EIF2AK1: variants seen among roughly 807,000 people sequenced by gnomAD.
EIF2AK1 encodes eukaryotic translation initiation factor 2-alpha kinase 1.
EIF2AK1 carries 54 observed loss-of-function variants against 77.9 expected under a neutral mutation model. That is an observed-to-expected ratio of 0.69 (90% confidence interval 0.56 to 0.87). The LOEUF (loss-of-function observed/expected upper bound fraction) is 0.87. EIF2AK1 is among the 40% of genes least tolerant of loss of function. EIF2AK1 has a pLI of 0.00. For missense variants in EIF2AK1, 810 were observed against 768.6 expected (o/e 1.05, Z -0.64); for synonymous variants, 314 against 290.5 (o/e 1.08, Z -0.82).
In EIF2AK1 at chr7:6,041,208, C is replaced by T; in HGVS notation, c.803G>A (p.Gly268Asp). ...GCTGCTACTTTCATCATTTTTAACACCACATTGCTCTCTGAAAAAAAAAAA... is the reference window on the plus strand; with the variant it reads ...GCTGCTACTTTCATCATTTTTAACATCACATTGCTCTCTGAAAAAAAAAAA... ...SDQEEDREQC[G>D]VKNDESSSSS... is the part of the protein sequence containing the mutation. Residue 268 changes from glycine (G) to aspartate (D), a missense_variant, in exon 9 of 15, where the codon GGT (glycine) becomes GAT (aspartate). Coordinates refer to ENST00000199389, the MANE Select transcript of EIF2AK1 (RefSeq NM_014413.4). 1 of 1,581,256 alleles carries T rather than the reference C, an allele frequency of 6.3e-7. No individual in the cohort carries two copies. The highest frequency in any genetic ancestry group is 1.5e-5 in the African/African-American group (1 of 68,192).
chr7:6,026,051 C>T (rs1385632125), intron 14 of EIF2AK1, among the ~76,000 whole-genome samples: 1 of 152,034 alleles, frequency 6.6e-6, no homozygotes, highest in Non-Finnish European at 1.5e-5. Context: ...CGGACCCCCA[C>T]GCCAGGCCAC....
At chr7:6,050,598 TTC>T (rs979461150) in intron 2 of EIF2AK1, among the ~76,000 whole-genome samples, 3 of 147,596 alleles carry the variant, frequency 2.0e-5, no homozygotes, top group African/African-American at 7.3e-5. Context: ...CTATAATTAC[TTC>T]TCTTTTTTTT....
At chr7:6,052,167 T>C (rs1391438823) in intron 2 of EIF2AK1, among the ~76,000 whole-genome samples, 2 of 94,750 alleles carry the variant, frequency 2.1e-5, no homozygotes, top group East Asian at 5.3e-4. Flanking sequence ...GCAAGACTCC[T>C]TATCAAAAAA....
intron 9 of EIF2AK1, among the ~76,000 whole-genome samples, chr7:6,039,319 T>A (rs1056112951): frequency 6.6e-6 from 1 of 151,822 alleles, no homozygotes; most frequent in African/African-American, 2.4e-5. Flanking sequence ...AGTTCTAAGT[T>A]TCATAAAAAA....
chr7:6,038,482 T>G, intron 10 of EIF2AK1, 78 bp downstream of exon 10: 1 of 985,102 alleles, frequency 1.0e-6, no homozygotes, highest in East Asian at 2.7e-5. Context: ...AAAAAGCACC[T>G]GGAGGCAACT....
intron 14 of EIF2AK1, among the ~76,000 whole-genome samples, 172 bp from the exon 15 acceptor site, chr7:6,024,973 G>C (rs1583471870): frequency 6.6e-6 from 1 of 152,052 alleles, no homozygotes; most frequent in Non-Finnish European, 1.5e-5. Context: ...CAAGTAGCTG[G>C]GATTACAGGC....
intron 9 of EIF2AK1, among the ~76,000 whole-genome samples, chr7:6,039,020 T>A (rs534825315): frequency 6.6e-6 from 1 of 152,236 alleles, no homozygotes; most frequent in African/African-American, 2.4e-5. Context: ...GCTCGCTACA[T>A]AAACAGTTTT....
chr7:6,038,582 C>T lies in EIF2AK1; in HGVS notation c.1209G>A (p.Arg403=). The T allele has an allele frequency of 6.2e-7, 1 of 1,612,838 alleles. No individual in the cohort carries two copies. The highest frequency in any genetic ancestry group is 1.1e-5 in the South Asian group (1 of 90,790). The change falls in exon 10 of 15, where the codon CGG becomes CGA. Residue 403 remains arginine, a synonymous_variant. Coordinates refer to ENST00000199389, the MANE Select transcript of EIF2AK1 (RefSeq NM_014413.4). The part of the protein sequence containing the change: ...DWIVERNKRG[R]EYVDESACPY... ...CACAGGCAGACTCGTCCACATACTC[C>T]CGGCCCCGCTTGTTTCTCTCGACTA...
intron 2 of EIF2AK1, among the ~76,000 whole-genome samples, chr7:6,052,250 C>T (rs922541697): frequency 2.7e-5 from 4 of 150,638 alleles, no homozygotes; most frequent in African/African-American, 9.8e-5. Context: ...GTAAAATTCA[C>T]AGGATTGCTT....
intron 7 of EIF2AK1, among the ~76,000 whole-genome samples, 169 bp from the exon 8 acceptor site, chr7:6,043,162 C>T (rs1583490120): frequency 6.6e-6 from 1 of 152,092 alleles, no homozygotes; most frequent in Non-Finnish European, 1.5e-5. Flanking sequence ...TGTTAGGAAC[C>T]GTAAAAACAA....
At chr7:6,043,926 C>T (rs1201631430) in intron 7 of EIF2AK1, among the ~76,000 whole-genome samples, 3 of 151,268 alleles carry the variant, frequency 2.0e-5, no homozygotes, top group Non-Finnish European at 4.4e-5. Flanking sequence ...TGGTGAAACC[C>T]TGTCTGTACT....
chr7:6,027,840 G>C lies in EIF2AK1; in HGVS notation c.1530+775C>G. 2.7e-6 allele frequency: 1 copy of C among 373,078 alleles called. No individual in the cohort carries two copies. The highest frequency in any genetic ancestry group is 5.3e-6 in the Non-Finnish European group (1 of 187,072). The allele number at this position is 373,078 out of a possible 1,614,324, so 23.1% of individuals were successfully genotyped here. A position where few individuals can be genotyped will look rare whatever the true frequency, so the allele number is the denominator to read the frequency against. Reference sequence around the variant, plus strand: ...AGCACTTTGGGAGGCCAAGGGAGGAGAATCATTTGAGGCCAGGAGTTTGAG... The same window carrying C: ...AGCACTTTGGGAGGCCAAGGGAGGACAATCATTTGAGGCCAGGAGTTTGAG... On this transcript the variant is annotated intron_variant, in intron 13 of 14. Coordinates refer to ENST00000199389, the MANE Select transcript of EIF2AK1 (RefSeq NM_014413.4). This position sits in a 1 kb window ranked among gnomAD's most constrained non-coding sequence, Gnocchi z 4.5.
rs138548924 is a variant in EIF2AK1, at chr7:6,028,651, T to G, written c.1494A>C (p.Ser498=). ...TSRVGTCLYA[S]PEQLEGSEYD... ...ACTCAGATCCTTCCAACTGTTCGGG[T>G]GAAGCGTACAGACAAGTACCCACTC... The change falls in exon 13 of 15, where the codon TCA becomes TCC. Residue 498 remains serine (S), a synonymous_variant. Transcript: ENST00000199389. The G allele has an allele frequency of 6.9e-4, 1,114 of 1,614,220 alleles. No individual in the cohort carries two copies. The highest frequency in any genetic ancestry group is 8.9e-4 in the Non-Finnish European group (1,049 of 1,180,014).
At position 6,024,174 on chromosome 7, in the gene EIF2AK1, G is replaced by C; in HGVS notation, c.*499C>G. ...GTTGCACACTGTACACTGTTAAGAAGTTGAGCTTTTATCTTAGAGGCAGCA... is the reference window on the plus strand; with the variant it reads ...GTTGCACACTGTACACTGTTAAGAACTTGAGCTTTTATCTTAGAGGCAGCA... On this transcript the variant is annotated 3_prime_UTR_variant, in exon 15 of 15. Coordinates refer to ENST00000199389, the MANE Select transcript of EIF2AK1 (RefSeq NM_014413.4). The C allele has an allele frequency of 7.9e-7, 1 of 1,270,950 alleles. No homozygotes were observed. Among genetic ancestry groups the C allele is most frequent in the Non-Finnish European group, 1.0e-6 (1 of 978,504 alleles). 78.7% of individuals were successfully genotyped at this position (1,270,950 alleles called of 1,614,324 possible).
At position 6,048,807 on chromosome 7, in the gene EIF2AK1, C is replaced by A; in HGVS notation, c.449G>T (p.Arg150Ile). The change falls in exon 4 of 15, where the codon AGA becomes ATA. Residue 150 changes from arginine to isoleucine, a missense_variant and splice_region_variant. Arg to Ile is a moderately conservative substitution (Grantham distance 97). Transcript: ENST00000199389. The part of the protein sequence containing the change: ...CEDISRIQKI[R>I]SREVALEAQT... Reference sequence around the variant, plus strand: ...AATCAAGAAAGTTTTTCACACATACCTGATTTTCTGGATACGAGAAATATC... The same window carrying A: ...AATCAAGAAAGTTTTTCACACATACATGATTTTCTGGATACGAGAAATATC... 6.3e-7 allele frequency: 1 copy of A among 1,583,952 alleles called. No homozygotes were observed. Among genetic ancestry groups the A allele is most frequent in the South Asian group, 1.2e-5 (1 of 83,330 alleles).
At position 6,041,055 on chromosome 7, in the gene EIF2AK1, A is replaced by G. The variant is rs34909691; in HGVS notation, c.956T>C (p.Leu319Pro). The G allele has an allele frequency of 1.4e-5, 22 of 1,613,996 alleles. No individual in the cohort carries two copies. The East Asian group carries it at 4.9e-4, about 36-fold the overall frequency. The change falls in exon 9 of 15, where the codon CTT becomes CCT. Residue 319 changes from leucine to proline, a missense_variant. Coordinates refer to ENST00000199389, the MANE Select transcript of EIF2AK1 (RefSeq NM_014413.4). ...TNLVIRESGE[L>P]ESTLELQENG... Reference sequence around the variant, plus strand: ...TTCCTGGAGCTCCAGGGTCGACTCAAGTTCACCAGATTCTCTTATGACTAA... The same window carrying G: ...TTCCTGGAGCTCCAGGGTCGACTCAGGTTCACCAGATTCTCTTATGACTAA...
chr7:6,023,628 G>C lies in EIF2AK1; in HGVS notation c.*1045C>G. 1 of 1,614,168 alleles carries C rather than the reference G, an allele frequency of 6.2e-7. No individual in the cohort carries two copies. The highest frequency in any genetic ancestry group is 2.2e-5 in the East Asian group (1 of 44,886). On this transcript the variant is annotated 3_prime_UTR_variant, in exon 15 of 15. Coordinates refer to ENST00000199389, the MANE Select transcript of EIF2AK1 (RefSeq NM_014413.4). ...GTGTGACAGTGCCAGCCAATGTGCA[G>C]AGGTGGATGAGGTCTTGTGAAAACC...
Position 6,054,619 on chromosome 7 carries a change from C to G in EIF2AK1, c.204G>C (p.Leu68Phe), listed in dbSNP as rs1308277158. 6.2e-7 allele frequency: 1 copy of G among 1,614,136 alleles called. No individual in the cohort carries two copies. The highest frequency in any genetic ancestry group is 8.5e-7 in the Non-Finnish European group (1 of 1,180,030). Residue 68 changes from leucine (L) to phenylalanine (F), a missense_variant, in exon 2 of 15, where the codon TTG becomes TTC. Physicochemically the swap from Leu to Phe is conservative, Grantham distance 22. Around this residue, in one of 3 missense-constraint regions of EIF2AK1, gnomAD observed 246 missense variants for 199.0 expected, o/e 1.24. Coordinates refer to ENST00000199389, the MANE Select transcript of EIF2AK1 (RefSeq NM_014413.4). ...TFPFAVANQL[L>F]LVSLLEHLSH... The stretch of plus-strand genomic sequence containing the variant: ...TCAAGTGCTCCAGCAAAGAAACCAG[C>G]AAGAGTTGGTTTGCAACTGCAAAAG...
rs182045910 is a variant in EIF2AK1, at chr7:6,023,833, T to G, written c.*840A>C. On this transcript the variant is annotated 3_prime_UTR_variant, in exon 15 of 15. Coordinates refer to ENST00000199389, the MANE Select transcript of EIF2AK1 (RefSeq NM_014413.4). ...GTGTCAATAAAAGCATCATGTAATT[T>G]ATGGTTTTCATTTTATTTAAAATTC... 2.2e-3 allele frequency: 3,454 copies of G among 1,556,192 alleles called. 5 individuals carry two copies. The highest frequency in any genetic ancestry group is 2.7e-3 in the Non-Finnish European group (3,084 of 1,149,350).
Sources: gnomAD v4.1 joint callset for allele counts (sites outside exome capture counted in the v4.1 genomes callset) on GRCh38, gnomAD v4.1.1 for gene constraint, gnomAD v4.1.1 regional missense constraint, Gnocchi (gnomAD v3.1) non-coding constraint, MANE v1.5 for transcripts, NCBI Gene and HGNC (gene_info 2026-07-23, HGNC 2026-07-21) for gene names.